Variants in NDST3 observed in about 807,000 individuals in gnomAD.
The protein encoded by NDST3 is bifunctional heparan sulfate N-deacetylase/N-sulfotransferase 3.
In NDST3, 58 loss-of-function variants were observed where a neutral mutation model predicts 96.1. The ratio of observed to expected loss-of-function variants is 0.60; its 90% CI spans 0.49 to 0.75. The LOEUF is 0.75. NDST3 is among the 30% of genes least tolerant of loss of function. NDST3 has a pLI of 0.00. For synonymous variants in NDST3, 333 were observed against 359.7 expected (o/e 0.93, Z 0.84); for missense variants, 788 against 1,034.2 (o/e 0.76, Z 3.27).
intron 6 of NDST3, among the ~76,000 whole-genome samples, chr4:118,214,440 A>G (rs1333215095): frequency 1.3e-5 from 2 of 152,214 alleles, no homozygotes; most frequent in Non-Finnish European, 2.9e-5. Flanking sequence ...TATGTTGATT[A>G]CATGCTGAAA....
intron 5 of NDST3, 58 bp downstream of exon 5, chr4:118,138,297 C>T: frequency 1.4e-6 from 2 of 1,429,246 alleles, no homozygotes; most frequent in Non-Finnish European, 1.9e-6. Context: ...TCATTCCTCA[C>T]TTGAAGAAAG....
intron 8 of NDST3, among the ~76,000 whole-genome samples, chr4:118,232,044 AT>A (rs915526723): frequency 7.9e-5 from 12 of 151,260 alleles, no homozygotes; most frequent in African/African-American, 1.2e-4. Flanking sequence ...AAAGGGCACC[AT>A]TTTTTTTTCC....
intron 6 of NDST3, among the ~76,000 whole-genome samples, chr4:118,159,014 T>G (rs892876379): frequency 5.3e-5 from 8 of 152,158 alleles, no homozygotes; most frequent in Admixed American, 5.2e-4. Context: ...CATAGTCCCT[T>G]TCACTGACTC....
chr4:118,093,212 A>G (rs1729021272), intron 2 of NDST3, among the ~76,000 whole-genome samples: 1 of 151,418 alleles, frequency 6.6e-6, no homozygotes, highest in East Asian at 1.9e-4. Flanking sequence ...TTTATTTTAG[A>G]TTATATTAAT....
chr4:118,213,532 AC>A (rs2125987902), intron 6 of NDST3, among the ~76,000 whole-genome samples: 1 of 152,224 alleles, frequency 6.6e-6, no homozygotes, highest in Admixed American at 6.5e-5. Context: ...CTGACTAAGG[AC>A]ATTGTGATAA....
intron 6 of NDST3, among the ~76,000 whole-genome samples, chr4:118,153,105 C>G (rs1734507646): frequency 6.6e-6 from 1 of 152,314 alleles, no homozygotes; most frequent in Non-Finnish European, 1.5e-5. Context: ...CCTGTGAGAA[C>G]AGTCATTATG....
At position 118,255,817 on chromosome 4, in the gene NDST3, G is replaced by A; in HGVS notation, c.*105G>A. 3.9e-6 allele frequency: 5 copies of A among 1,275,512 alleles called. No individual in the cohort carries two copies. Among genetic ancestry groups the A allele is most frequent in the Non-Finnish European group, 4.2e-6 (4 of 947,294 alleles). The allele number at this position is 1,275,512 out of a possible 1,614,324, so 79.0% of individuals were successfully genotyped here. On this transcript the variant is annotated 3_prime_UTR_variant, in exon 14 of 14. Coordinates refer to ENST00000296499, the MANE Select transcript of NDST3 (RefSeq NM_004784.3). ...TTGAAAAATATACCTCTTCAAATGA[G>A]AAAAAAGAACAGTTTCTTCCATGTG...
Position 118,054,715 on chromosome 4 carries a change from A to C in NDST3, c.805A>C (p.Arg269=). The change falls in exon 2 of 14, where the codon AGG becomes CGG. Residue 269 remains arginine (R), a synonymous_variant. Coordinates refer to ENST00000296499, the MANE Select transcript of NDST3 (RefSeq NM_004784.3). ...HDLGLHDGIQ[R]VLFGNNLNFW... ...CCTGGGGCTTCATGATGGAATTCAA[A>C]GGGTTCTTTTTGGCAACAACTTGAA... The C allele has an allele frequency of 6.2e-7, 1 of 1,613,358 alleles. No individual in the cohort carries two copies. The highest frequency in any genetic ancestry group is 8.5e-7 in the Non-Finnish European group (1 of 1,179,490).
At chr4:118,181,392 T>A (rs2125951237) in intron 6 of NDST3, among the ~76,000 whole-genome samples, 1 of 152,234 alleles carries the variant, frequency 6.6e-6, no homozygotes, top group South Asian at 2.1e-4. Flanking sequence ...GAGGAGCCAG[T>A]TTGAGATCTT....
intron 4 of NDST3, among the ~76,000 whole-genome samples, chr4:118,133,230 A>G (rs1248276830): frequency 1.3e-5 from 2 of 152,134 alleles, no homozygotes; most frequent in African/African-American, 4.8e-5. Flanking sequence ...TTGACAAGAA[A>G]CTCAAGCTCT....
intron 6 of NDST3, among the ~76,000 whole-genome samples, chr4:118,219,327 T>C (rs780296522): frequency 3.9e-5 from 6 of 152,150 alleles, no homozygotes; most frequent in East Asian, 1.9e-4. Flanking sequence ...AGCACGGTAC[T>C]AGTACCAAAA....
chr4:118,208,863 C>G (rs576786747), intron 6 of NDST3, among the ~76,000 whole-genome samples: 1 of 144,434 alleles, frequency 6.9e-6, no homozygotes, highest in South Asian at 2.3e-4. Context: ...TAATCACTAG[C>G]TTTTTCAAAC....
chr4:118,194,847 G>A (rs993831696), intron 6 of NDST3: 2 of 310,584 alleles, frequency 6.4e-6, no homozygotes, highest in East Asian at 7.2e-5. Context: ...CAGGAGGCCA[G>A]GTGCTGTGGT....
In NDST3 at chr4:118,232,999, A is replaced by G. The variant is rs376818175; in HGVS notation, c.1820-13A>G. 65 of 1,607,240 alleles carry G rather than the reference A, an allele frequency of 4.0e-5. No homozygotes were observed. In the African/African-American group the frequency reaches 7.2e-4, roughly 18 times the overall value. On this transcript the variant is annotated splice_polypyrimidine_tract_variant and intron_variant, in intron 8 of 13. Transcript: ENST00000296499. ...TCATTTAATTAATTTCTGAACCTCT[A>G]TTGTCTTTCTAGGTACCACTGCTTT...
intron 6 of NDST3, among the ~76,000 whole-genome samples, chr4:118,185,763 C>T (rs1039758679): frequency 6.6e-6 from 1 of 152,090 alleles, no homozygotes; most frequent in African/African-American, 2.4e-5. Context: ...TAGTTGGCTA[C>T]CTTTCATTGG....
At chr4:118,077,897 T>C (rs116764848) in intron 2 of NDST3, among the ~76,000 whole-genome samples, 3 of 152,160 alleles carry the variant, frequency 2.0e-5, no homozygotes, top group Non-Finnish European at 4.4e-5. Context: ...ATGGCCCACC[T>C]GGCTACCAGT....
intron 4 of NDST3, among the ~76,000 whole-genome samples, chr4:118,134,203 G>A (rs1156994400): frequency 2.6e-5 from 4 of 152,208 alleles, no homozygotes; most frequent in Admixed American, 2.6e-4. Context: ...AGTGCTTGGT[G>A]AGTTTCAGGG....
chr4:118,238,765 G>A (rs568858030), intron 10 of NDST3, among the ~76,000 whole-genome samples: 4 of 152,282 alleles, frequency 2.6e-5, no homozygotes, highest in Non-Finnish European at 1.5e-5. Flanking sequence ...AGTAATAAGC[G>A]ACTGACATAC....
intron 6 of NDST3, among the ~76,000 whole-genome samples, chr4:118,203,310 G>T (rs941727031): frequency 2.0e-5 from 3 of 152,246 alleles, no homozygotes; most frequent in African/African-American, 7.2e-5. Context: ...TTGGGTACCA[G>T]GCTGATGCTG....
Sources: allele counts gnomAD v4.1 joint callset (sites outside exome capture counted in the v4.1 genomes callset), GRCh38; gene constraint gnomAD v4.1.1; transcripts MANE v1.5; gene names NCBI Gene and HGNC (gene_info 2026-07-23, HGNC 2026-07-21).